VWA5A: variants seen among roughly 807,000 people sequenced by gnomAD.
VWA5A encodes the protein von Willebrand factor A domain-containing protein 5A.
Under a neutral mutation model 84.6 loss-of-function variants are expected in VWA5A, and 77 were observed. That is an observed-to-expected ratio of 0.91 (90% confidence interval 0.76 to 1.10). The LOEUF (loss-of-function observed/expected upper bound fraction) is 1.10. VWA5A is among the 50% of genes least tolerant of loss of function. VWA5A has a pLI of 0.00. For synonymous variants in VWA5A, 334 were observed against 350.1 expected (o/e 0.95, Z 0.51); for missense variants, 973 against 963.0 (o/e 1.01, Z -0.14).
chr11:124,118,517 A>C lies in VWA5A; in HGVS notation c.470-16A>C. 1 of 1,613,480 alleles carries C rather than the reference A, an allele frequency of 6.2e-7. No individual in the cohort carries two copies. Among genetic ancestry groups the C allele is most frequent in the Non-Finnish European group, 8.5e-7 (1 of 1,179,560 alleles). Reference sequence around the variant, plus strand: ...AGTGTTGGCAAGGAAAACAGAACTAAGGTCATCTTTTATAGGGTCGTCTAA... The same window carrying C: ...AGTGTTGGCAAGGAAAACAGAACTACGGTCATCTTTTATAGGGTCGTCTAA... On this transcript the variant is annotated splice_polypyrimidine_tract_variant and intron_variant, in intron 5 of 18. Coordinates refer to ENST00000456829, the MANE Select transcript of VWA5A (RefSeq NM_001130142.2).
rs759150453 is a variant in VWA5A, at chr11:124,137,271, A to T, written c.1879+3A>T. On this transcript the variant is annotated splice_donor_region_variant and intron_variant, in intron 15 of 18. Transcript: ENST00000456829. ...ATTGAAGATAAAATGCCAATCAGGT[A>T]ATGAGTTTTATTCCATTCAAACTCA... is the stretch of plus-strand genomic sequence containing the variant. The T allele has an allele frequency of 6.2e-7, 1 of 1,613,836 alleles. No homozygotes were observed. Among genetic ancestry groups the T allele is most frequent in the South Asian group, 1.1e-5 (1 of 91,056 alleles).
At chr11:124,142,216 G>T (rs12417061) in intron 16 of VWA5A, among the ~76,000 whole-genome samples, 1 of 151,968 alleles carries the variant, frequency 6.6e-6, no homozygotes, top group African/African-American at 2.4e-5. Flanking sequence ...GGCTGCCCTC[G>T]CCCCCCAGCA....
At position 124,136,286 on chromosome 11, in the gene VWA5A, G is replaced by A. The variant is rs2276053; in HGVS notation, c.1517G>A (p.Arg506Lys). ...RLISYAQLTG[R>K]MPAAETTGEV... The stretch of plus-strand genomic sequence containing the variant: ...ATCAGCTATGCCCAGCTGACCGGGA[G>A]GATGCCAGTGAGTTCCCATTCTTAT... Residue 506 changes from arginine to lysine, a missense_variant, in exon 13 of 19, where the codon AGG (arginine) becomes AAG (lysine). Transcript: ENST00000456829. 0.11 allele frequency: 179,187 copies of A among 1,611,600 alleles called. 10,747 individuals are homozygous for A. The highest frequency in any genetic ancestry group is 0.18 in the African/African-American group (13,194 of 74,922).
At position 124,145,866 on chromosome 11, in the gene VWA5A, G is replaced by C; in HGVS notation, c.2282G>C (p.Gly761Ala). The change falls in exon 19 of 19, where the codon GGC becomes GCC. Residue 761 changes from glycine (G) to alanine (A), a missense_variant and splice_region_variant. By Grantham distance (60) the Gly-to-Ala change is moderately conservative. Coordinates refer to ENST00000456829, the MANE Select transcript of VWA5A (RefSeq NM_001130142.2). Reference protein sequence around the residue: ...KAVAWMRAHAGSTMPSVVKAA... With the variant: ...KAVAWMRAHAASTMPSVVKAA... ...TGCTTCTTGTTTTTCCTCACCACAG[G>C]CTCCACCATGCCTTCGGTTGTGAAA... 1.9e-6 allele frequency: 3 copies of C among 1,575,820 alleles called. No individual in the cohort carries two copies. Among genetic ancestry groups the C allele is most frequent in the Non-Finnish European group, 2.6e-6 (3 of 1,156,992 alleles).
chr11:124,120,148 C>A (rs182370180), intron 7 of VWA5A, among the ~76,000 whole-genome samples: 1 of 152,150 alleles, frequency 6.6e-6, no homozygotes, highest in Non-Finnish European at 1.5e-5. Context: ...GCCCTAGCTT[C>A]TTAATTTCTA....
rs1056615 is a variant in VWA5A, at chr11:124,145,287, C to T, written c.2205C>T (p.His735=). The change falls in exon 18 of 19, where the codon CAC becomes CAT. Residue 735 remains histidine (H), a synonymous_variant. Coordinates refer to ENST00000456829, the MANE Select transcript of VWA5A (RefSeq NM_001130142.2). The stretch of plus-strand genomic sequence containing the variant: ...CCATCCTGGCCGTGATCTGGCTGCA[C>T]AGCAATGGTAAGGACTTGAAGTGTG... ...WATILAVIWL[H]SNGKDLKCEW... is the part of the protein sequence containing the mutation. 847,370 of 1,613,018 alleles carry T rather than the reference C, an allele frequency of 0.53. 226,876 individuals are homozygous for T. The highest frequency in any genetic ancestry group is 0.75 in the East Asian group (33,443 of 44,818).
At chr11:124,140,661 G>T (rs1860708853) in intron 15 of VWA5A, among the ~76,000 whole-genome samples, 1 of 151,858 alleles carries the variant, frequency 6.6e-6, no homozygotes, top group Admixed American at 6.6e-5. Context: ...TAGAAATGAG[G>T]TCTCACTACA....
chr11:124,135,298 G>A (rs929094331), intron 12 of VWA5A, among the ~76,000 whole-genome samples: 10 of 152,244 alleles, frequency 6.6e-5, no homozygotes, highest in Admixed American at 3.3e-4. Context: ...CTGGGCCTTT[G>A]CATTTAAGAC....
At chr11:124,144,695 A>G (rs1860787294) in intron 17 of VWA5A, among the ~76,000 whole-genome samples, 1 of 152,220 alleles carries the variant, frequency 6.6e-6, no homozygotes, top group South Asian at 2.1e-4. Context: ...TTTCTGCTGC[A>G]TGGCTGAGAT....
At chr11:124,130,702 T>G (rs575563871) in intron 11 of VWA5A, among the ~76,000 whole-genome samples, 29 of 152,352 alleles carry the variant, frequency 1.9e-4, no homozygotes, top group African/African-American at 6.7e-4. Flanking sequence ...TTAGCTCTTC[T>G]TGTTGCATTA....
rs139773809 is a variant in VWA5A, at chr11:124,117,546, G to C, written c.35G>C (p.Arg12Pro). Residue 12 changes from arginine to proline, a missense_variant, in exon 3 of 19, where the codon CGG becomes CCG. Arg to Pro is a moderately radical substitution (Grantham distance 103). Transcript: ENST00000456829. ...VHFCGLLTLH[R>P]EPVPLKSISV... ...TTCTGTGGCCTACTCACCCTCCACC[G>C]GGAGCCAGGTAAGCCTAATTTGTGA... 1.6e-4 allele frequency: 262 copies of C among 1,614,106 alleles called. 1 individual carries two copies. The African/African-American group carries it at 3.0e-3, about 18-fold the overall frequency.
intron 11 of VWA5A, among the ~76,000 whole-genome samples, chr11:124,133,613 T>C (rs1865130293): frequency 6.6e-6 from 1 of 152,208 alleles, no homozygotes; most frequent in Non-Finnish European, 1.5e-5. Context: ...GGTGTTATAT[T>C]TTAAGTCAGA....
intron 12 of VWA5A, among the ~76,000 whole-genome samples, chr11:124,135,532 T>TTTTTC (rs1446252127): frequency 0.011 from 1,466 of 139,070 alleles, 15 homozygotes; most frequent in Non-Finnish European, 0.017. Flanking sequence ...CTTTTTTTTT[T>TTTTTC]TTTTTTTTTT....
rs117138642 is a variant in VWA5A, at chr11:124,120,826, C to A, written c.760+1737C>A. Reference sequence around the variant, plus strand: ...GATTATTTCAAAGGACTGTTTTCACCAGAGAAAGTTCCATAATGTTGGATC... The same window carrying A: ...GATTATTTCAAAGGACTGTTTTCACAAGAGAAAGTTCCATAATGTTGGATC... On this transcript the variant is annotated intron_variant, in intron 7 of 18. Coordinates refer to ENST00000456829, the MANE Select transcript of VWA5A (RefSeq NM_001130142.2). Among the ~76,000 whole-genome samples, 181 of 152,260 alleles carry A rather than the reference C, an allele frequency of 1.2e-3. 1 individual carries two copies. The highest frequency in any genetic ancestry group is 2.0e-3 in the Non-Finnish European group (139 of 68,026).
At chr11:124,138,490 A>G (rs1860658821) in intron 15 of VWA5A, among the ~76,000 whole-genome samples, 1 of 152,154 alleles carries the variant, frequency 6.6e-6, no homozygotes, top group Non-Finnish European at 1.5e-5. Context: ...TCTGACAGGT[A>G]TGAGGTGATA....
Position 124,138,917 on chromosome 11 carries a change from C to T in VWA5A, c.1879+1649C>T, listed in dbSNP as rs1185348228. ...TTGTTTCACAGTTTCACCTCTTACA[C>T]TTAAGCCTTTAGTTCATTTGAGTTG... On this transcript the variant is annotated intron_variant, in intron 15 of 18. Coordinates refer to ENST00000456829, the MANE Select transcript of VWA5A (RefSeq NM_001130142.2). Among the ~76,000 whole-genome samples, 3 of 152,312 alleles carry T rather than the reference C, an allele frequency of 2.0e-5. No homozygotes were observed. In the East Asian group the frequency reaches 5.8e-4, roughly 29 times the overall value.
chr11:124,117,587 G>A, intron 3 of VWA5A, 33 bp downstream of exon 3: 4 of 1,614,116 alleles, frequency 2.5e-6, no homozygotes, highest in Non-Finnish European at 3.4e-6. Context: ...ACTTGCCATT[G>A]AATCTTTGGC....
In VWA5A at chr11:124,119,040, G is replaced by T; in HGVS notation, c.711G>T (p.Val237=). 2 of 1,614,210 alleles carry T rather than the reference G, an allele frequency of 1.2e-6. No individual in the cohort carries two copies. Among genetic ancestry groups the T allele is most frequent in the East Asian group, 2.2e-5 (1 of 44,878 alleles). ...AACTCCTGATTTACTACAATGAGGT[G>T]CATACCCCCAGCGTGGTTTTGGAGA... is the stretch of plus-strand genomic sequence containing the variant. ...DVELLIYYNE[V]HTPSVVLEMG... The change falls in exon 7 of 19, where the codon GTG becomes GTT. Residue 237 remains valine, a synonymous_variant. Coordinates refer to ENST00000456829, the MANE Select transcript of VWA5A (RefSeq NM_001130142.2).
intron 11 of VWA5A, among the ~76,000 whole-genome samples, chr11:124,127,644 G>A (rs193065026): frequency 5.3e-5 from 8 of 152,204 alleles, no homozygotes; most frequent in East Asian, 3.9e-4. Flanking sequence ...AGTGTAAAAG[G>A]TTTCCTATTT....
Sources: allele counts gnomAD v4.1 joint callset (sites outside exome capture counted in the v4.1 genomes callset), GRCh38; gene constraint gnomAD v4.1.1; transcripts MANE v1.5; gene names NCBI Gene and HGNC (gene_info 2026-07-23, HGNC 2026-07-21).